The following MAN1A2 variants were observed in gnomAD, a reference collection of about 807,000 sequenced individuals.
The protein encoded by MAN1A2 is mannosyl-oligosaccharide 1,2-alpha-mannosidase IB.
MAN1A2 carries 26 observed loss-of-function variants against 75.7 expected under a neutral mutation model. That is an observed-to-expected ratio of 0.34 (90% CI 0.25 to 0.48). MAN1A2 has a LOEUF of 0.48. MAN1A2 is among the 20% of genes least tolerant of loss of function. MAN1A2 has a pLI of 0.99. For synonymous variants in MAN1A2, 247 were observed against 264.6 expected (o/e 0.93, Z 0.65); for missense variants, 562 against 775.5 (o/e 0.72, Z 3.27).
chr1:117,429,465 G>A (rs373882271), intron 5 of MAN1A2, among the ~76,000 whole-genome samples: 3 of 109,848 alleles, frequency 2.7e-5, no homozygotes, highest in Admixed American at 8.1e-5. Flanking sequence ...CGGAGGGGGC[G>A]GCTGGCCGGG....
chr1:117,509,432 A>G (rs1017358638), intron 12 of MAN1A2, among the ~76,000 whole-genome samples: 4 of 151,956 alleles, frequency 2.6e-5, no homozygotes, highest in Non-Finnish European at 5.9e-5. Context: ...GTGAGAGTAC[A>G]CTGGAAGTAT....
intron 12 of MAN1A2, 125 bp downstream of exon 12, chr1:117,503,095 T>C: frequency 1.9e-6 from 1 of 529,906 alleles, no homozygotes; most frequent in Non-Finnish European, 3.2e-6. Context: ...TTTTATGTAA[T>C]TGGGTGTGTA....
intron 1 of MAN1A2, among the ~76,000 whole-genome samples, chr1:117,399,280 T>C (rs753854853): frequency 1.3e-5 from 2 of 152,184 alleles, no homozygotes; most frequent in African/African-American, 2.4e-5. Flanking sequence ...AGTGATAACA[T>C]ATGAGCTATT....
At chr1:117,431,450 A>C (rs1476782156) in intron 5 of MAN1A2, among the ~76,000 whole-genome samples, 2 of 152,160 alleles carry the variant, frequency 1.3e-5, no homozygotes, top group East Asian at 3.9e-4. Context: ...CAACTGATAG[A>C]ATAAGCAGAC....
intron 1 of MAN1A2, among the ~76,000 whole-genome samples, chr1:117,385,494 G>C (rs1340303699): frequency 6.6e-6 from 1 of 152,108 alleles, no homozygotes; most frequent in Non-Finnish European, 1.5e-5. Flanking sequence ...GAGTAACTTG[G>C]AGTGTTAATC....
At chr1:117,424,068 T>C (rs1367266853) in intron 5 of MAN1A2, among the ~76,000 whole-genome samples, 1 of 152,148 alleles carries the variant, frequency 6.6e-6, no homozygotes, top group Non-Finnish European at 1.5e-5. Context: ...TAATTAATTC[T>C]AGTAGCTTTA....
chr1:117,518,232 A>G (rs1651772299), intron 12 of MAN1A2, among the ~76,000 whole-genome samples: 1 of 152,040 alleles, frequency 6.6e-6, no homozygotes, highest in African/African-American at 2.4e-5. Context: ...AGAATAAAAG[A>G]AAACTTGTTA....
chr1:117,402,110 C>G, intron 1 of MAN1A2, 76 bp from the exon 2 acceptor site: 2 of 1,434,110 alleles, frequency 1.4e-6, no homozygotes, highest in Non-Finnish European at 1.9e-6. Flanking sequence ...ATGGAGAAAC[C>G]TTTATGTTTT....
In MAN1A2 at chr1:117,368,123, G is replaced by C. The variant is rs950647953; in HGVS notation, c.-61G>C. On this transcript the variant is annotated 5_prime_UTR_variant, in exon 1 of 13. The change abolishes an upstream ATG in the 5' untranslated region. Coordinates refer to ENST00000356554, the MANE Select transcript of MAN1A2 (RefSeq NM_006699.5). ...GCCAAGATTTTGAAGACAGTTCAAT[G>C]TATTCTACATTTGACATAAGATGAG... 1.4e-6 allele frequency: 2 copies of C among 1,449,826 alleles called. No homozygotes were observed. The highest frequency in any genetic ancestry group is 1.9e-6 in the Non-Finnish European group (2 of 1,077,616). 89.8% of individuals were successfully genotyped at this position (1,449,826 alleles called of 1,614,324 possible). A position where few individuals can be genotyped will look rare whatever the true frequency, so the allele number is the denominator to read the frequency against.
rs977768074 is a variant in MAN1A2 at position 117,505,475 on chromosome 1, C to T, written c.1793+2505C>T. 4.6e-5 allele frequency among the ~76,000 whole-genome samples: 7 copies of T among 150,866 alleles called. No homozygotes were observed. The Admixed American group carries it at 4.6e-4, about 10-fold the overall frequency. Reference sequence around the variant, plus strand: ...TAGGTAACCAGTTATTTATGTATATCTATCTATATATATATAGATAGATAT... The same window carrying T: ...TAGGTAACCAGTTATTTATGTATATTTATCTATATATATATAGATAGATAT... On this transcript the variant is annotated intron_variant, in intron 12 of 12. Transcript: ENST00000356554.
chr1:117,461,724 A>AG (rs1221900007), intron 7 of MAN1A2, among the ~76,000 whole-genome samples: 2 of 152,170 alleles, frequency 1.3e-5, no homozygotes, highest in Non-Finnish European at 2.9e-5. Context: ...ATGATATTGA[A>AG]GAGGATATAA....
intron 5 of MAN1A2, among the ~76,000 whole-genome samples, chr1:117,440,052 T>A (rs1253123871): frequency 6.6e-6 from 1 of 152,170 alleles, no homozygotes; most frequent in Non-Finnish European, 1.5e-5. Flanking sequence ...TTACAGTGTA[T>A]CCATAAAAGA....
intron 2 of MAN1A2, among the ~76,000 whole-genome samples, chr1:117,405,310 A>G (rs147331068): frequency 5.3e-5 from 8 of 152,220 alleles, no homozygotes; most frequent in Non-Finnish European, 1.2e-4. Context: ...TGCCAAACAA[A>G]TATGTACCTC....
intron 1 of MAN1A2, among the ~76,000 whole-genome samples, chr1:117,380,378 T>C (rs984406703): frequency 9.9e-5 from 15 of 152,236 alleles, no homozygotes; most frequent in African/African-American, 3.4e-4. Context: ...GTCCGATTTA[T>C]CTGTTTTCTT....
At chr1:117,417,279 T>A (rs1209575515) in intron 4 of MAN1A2, among the ~76,000 whole-genome samples, 1 of 151,946 alleles carries the variant, frequency 6.6e-6, no homozygotes, top group African/African-American at 2.4e-5. Flanking sequence ...AGTATGTATT[T>A]GGGTTTTGTT....
At chr1:117,370,743 G>GTGTGTT (rs1205368545) in intron 1 of MAN1A2, among the ~76,000 whole-genome samples, 4 of 144,542 alleles carry the variant, frequency 2.8e-5, no homozygotes, top group South Asian at 2.1e-4. Context: ...CATTTAGTGT[G>GTGTGTT]TGTGTGTGTG....
At chr1:117,418,299 A>G (rs1648073789) in intron 4 of MAN1A2, among the ~76,000 whole-genome samples, 1 of 152,144 alleles carries the variant, frequency 6.6e-6, no homozygotes, top group Non-Finnish European at 1.5e-5. Context: ...AACAAGTTAT[A>G]TATAGTACAT....
chr1:117,454,696 A>G (rs1649524332), intron 6 of MAN1A2, among the ~76,000 whole-genome samples: 1 of 152,218 alleles, frequency 6.6e-6, no homozygotes, highest in Non-Finnish European at 1.5e-5. Context: ...AAATATTTGA[A>G]TAAATATAAA....
intron 8 of MAN1A2, among the ~76,000 whole-genome samples, chr1:117,489,560 G>A (rs1251758472): frequency 4.6e-5 from 7 of 151,790 alleles, no homozygotes; most frequent in Admixed American, 4.6e-4. Context: ...TCCTTTTCTT[G>A]TTACGTATGT....
Sources: gnomAD v4.1 joint callset for allele counts (sites outside exome capture counted in the v4.1 genomes callset) on GRCh38, gnomAD v4.1.1 for gene constraint, MANE v1.5 for transcripts, NCBI Gene and HGNC (gene_info 2026-07-23, HGNC 2026-07-21) for gene names.